FBXO34: variants seen among roughly 807,000 people sequenced by gnomAD.
FBXO34 encodes the protein F-box protein 34.
Under a neutral mutation model 24.5 loss-of-function variants are expected in FBXO34, and 12 were observed. The observed-to-expected ratio is 0.49, with a 90% CI of 0.31 to 0.79. The LOEUF (loss-of-function observed/expected upper bound fraction) is 0.79, where lower values mean the gene tolerates loss of function less well. Among genes scored for constraint, FBXO34 ranks in the 30% least tolerant of loss-of-function variants. The pLI, the probability that FBXO34 is intolerant of heterozygous loss-of-function variation, is 0.04. For synonymous variants in FBXO34, 320 were observed against 311.9 expected, an observed-to-expected ratio of 1.03 and a Z score of -0.27; for missense variants, 823 against 857.7, an observed-to-expected ratio of 0.96 and a Z score of 0.51.
chr14:55,283,974 G>GTGTGTGTGTGTC, intron 1 of FBXO34, among the ~76,000 whole-genome samples: 1 of 150,824 alleles, frequency 6.6e-6, no homozygotes, highest in South Asian at 2.1e-4. Flanking sequence ...GTGTGTGTGT[G>GTGTGTGTGTGTC]TCTGTGTGTG....
the FBXO34 span, among the ~76,000 whole-genome samples, chr14:55,405,511 T>G: frequency 3.9e-5 from 6 of 152,340 alleles, no homozygotes; most frequent in South Asian, 1.2e-3. Flanking sequence ...AATCCACATG[T>G]GAAAATCAGT....
rs778490488 is a variant in FBXO34, at chr14:55,351,177, G to C, written c.787G>C (p.Glu263Gln). ...CCCAGGAGCTTGTGAAGAACCCACA[G>C]AAAGGGGAAATCTTGAGGTTGGTGA... ...SAPGACEEPT[E>Q]RGNLEVGEPQ... The change falls in exon 2 of 2, where the codon GAA becomes CAA. Residue 263 changes from glutamate to glutamine, a missense_variant. By Grantham distance (29) the Glu-to-Gln change is conservative. Transcript: ENST00000313833. 52 of 1,614,218 alleles carry C rather than the reference G, an allele frequency of 3.2e-5. No homozygotes were observed. The East Asian group carries it at 1.2e-3, about 36-fold the overall frequency.
chr14:55,409,701 C>G, the FBXO34 span, among the ~76,000 whole-genome samples: 1 of 152,068 alleles, frequency 6.6e-6, no homozygotes, highest in Non-Finnish European at 1.5e-5. Context: ...AGTGGCACAG[C>G]AGATTAGGTA....
the FBXO34 span, among the ~76,000 whole-genome samples, chr14:55,426,223 A>G: frequency 6.6e-6 from 1 of 151,668 alleles, no homozygotes; most frequent in South Asian, 2.1e-4. Flanking sequence ...AGCTGAAATC[A>G]TGCCACTTCA....
chr14:55,386,946 A>G, the FBXO34 span, among the ~76,000 whole-genome samples: 1 of 152,172 alleles, frequency 6.6e-6, no homozygotes, highest in Non-Finnish European at 1.5e-5. Flanking sequence ...CAGTTTCCCT[A>G]CTTCAAGATT....
At chr14:55,391,471 T>TAAAAAAAAAAAA in the FBXO34 span, among the ~76,000 whole-genome samples, 83 of 75,078 alleles carry the variant, frequency 1.1e-3, no homozygotes, top group Non-Finnish European at 1.8e-3. Flanking sequence ...TGAGACTCCA[T>TAAAAAAAAAAAA]AAAAAAAAAA....
At chr14:55,338,331 G>A (rs1269382019) in intron 1 of FBXO34, among the ~76,000 whole-genome samples, 4 of 151,964 alleles carry the variant, frequency 2.6e-5, no homozygotes, top group Non-Finnish European at 5.9e-5. Context: ...TTACAGGCAT[G>A]AGCCACTGCG....
intron 1 of FBXO34, among the ~76,000 whole-genome samples, chr14:55,324,100 C>G (rs1224913498): frequency 6.6e-6 from 1 of 152,078 alleles, no homozygotes; most frequent in Middle Eastern, 3.2e-3. Flanking sequence ...CCTCCTCCCC[C>G]CCAGTGGTTG....
chr14:55,377,863 C>G, the FBXO34 span: 1 of 1,604,178 alleles, frequency 6.2e-7, no homozygotes, highest in Non-Finnish European at 8.5e-7. Context: ...ACATTAGATT[C>G]CTGAGGGTAT....
At chr14:55,295,711 C>G (rs72715769) in intron 1 of FBXO34, among the ~76,000 whole-genome samples, 56,564 of 151,996 alleles carry the variant, frequency 0.37, 11,090 homozygotes, top group Non-Finnish European at 0.43. Flanking sequence ...AAATATTCTT[C>G]GCCATTTTTT....
intron 1 of FBXO34, among the ~76,000 whole-genome samples, chr14:55,306,132 G>T (rs556613959): frequency 3.9e-5 from 6 of 152,220 alleles, no homozygotes; most frequent in Non-Finnish European, 8.8e-5. Context: ...GTTTGAGTTT[G>T]TAGTAAGCCA....
downstream of FBXO34, among the ~76,000 whole-genome samples, chr14:55,364,365 A>T (rs1011818066): frequency 6.6e-6 from 1 of 152,210 alleles, no homozygotes; most frequent in African/African-American, 2.4e-5. Context: ...ATTGATGTAA[A>T]TAACTCTTTA....
chr14:55,406,267 C>T, the FBXO34 span, among the ~76,000 whole-genome samples: 1 of 152,096 alleles, frequency 6.6e-6, no homozygotes, highest in Admixed American at 6.6e-5. Context: ...CTTTGATATG[C>T]ATTATCACAT....
chr14:55,375,883 G>T, the FBXO34 span, among the ~76,000 whole-genome samples: 2 of 152,148 alleles, frequency 1.3e-5, no homozygotes, highest in East Asian at 3.8e-4. Flanking sequence ...TGTAAGTAAC[G>T]TGCCATGAAG....
chr14:55,423,015 G>C, the FBXO34 span, among the ~76,000 whole-genome samples: 1 of 151,640 alleles, frequency 6.6e-6, no homozygotes, highest in African/African-American at 2.4e-5. Flanking sequence ...ATATAGCAAA[G>C]AATAATTTGT....
the FBXO34 span, among the ~76,000 whole-genome samples, chr14:55,391,867 A>G: frequency 1.6e-4 from 25 of 152,324 alleles, 1 homozygote; most frequent in Admixed American, 1.6e-3. Context: ...AGTTAATAAA[A>G]ATGGCAAAAA....
At chr14:55,360,641 AAAC>A (rs749387349) in intron 3 of FBXO34, among the ~76,000 whole-genome samples, 21 of 152,164 alleles carry the variant, frequency 1.4e-4, no homozygotes, top group Non-Finnish European at 2.8e-4. Context: ...TGTTTATTTT[AAAC>A]AACGAGAGGC....
downstream of FBXO34, among the ~76,000 whole-genome samples, chr14:55,365,844 G>T (rs1884665831): frequency 6.6e-6 from 1 of 152,122 alleles, no homozygotes; most frequent in African/African-American, 2.4e-5. Flanking sequence ...CTCTTCCACA[G>T]TAGTCACTCT....
At chr14:55,415,800 G>A in the FBXO34 span, among the ~76,000 whole-genome samples, 54 of 152,106 alleles carry the variant, frequency 3.6e-4, no homozygotes, top group African/African-American at 1.3e-3. Context: ...TGGGAGGCGG[G>A]GGTTGCAATG....
Sources: gnomAD v4.1 joint callset for allele counts (sites outside exome capture counted in the v4.1 genomes callset) on GRCh38, gnomAD v4.1.1 for gene constraint, MANE v1.5 for transcripts, NCBI Gene and HGNC (gene_info 2026-07-23, HGNC 2026-07-21) for gene names.